RBFOX3: variants seen among roughly 807,000 people sequenced by gnomAD.
RBFOX3 encodes RNA binding protein fox-1 homolog 3.
A neutral mutation model predicts 48.7 loss-of-function variants in RBFOX3; 17 were observed. The observed-to-expected ratio is 0.35, with a 90% confidence interval of 0.24 to 0.52. The LOEUF (loss-of-function observed/expected upper bound fraction) is 0.52, where lower values mean the gene tolerates loss of function less well. Among genes scored for constraint, RBFOX3 ranks in the 20% least tolerant of loss-of-function variants. The pLI is 0.94. For missense variants in RBFOX3, 382 were observed against 497.5 expected (o/e 0.77, Z 2.21); for synonymous variants, 212 against 209.5 (o/e 1.01, Z -0.10).
At position 79,383,007 on chromosome 17, in the gene RBFOX3, AAATC is replaced by A. The variant is rs564584446; in HGVS notation, c.-174-75187_-174-75184del. 1.4e-4 allele frequency among the ~76,000 whole-genome samples: 20 copies of A among 145,702 alleles called. No homozygotes were observed. In the East Asian group the frequency reaches 3.8e-3, roughly 28 times the overall value. Reference sequence around the variant, plus strand: ...TCTGGGGCTGTGTGGGCACATTTCCAAATCAATCAATCTCTGCCTCTCAAACACA... The same window carrying A: ...TCTGGGGCTGTGTGGGCACATTTCCAAATCAATCTCTGCCTCTCAAACACA... On this transcript the variant is annotated intron_variant, in intron 2 of 14. Transcript: ENST00000693108.
chr17:79,365,941 A>C lies in RBFOX3; in HGVS notation c.-174-58117T>G, dbSNP rs78117969. Among the ~76,000 whole-genome samples the C allele has an allele frequency of 4.4e-3, 670 of 152,352 alleles. 3 individuals are homozygous for C. Among genetic ancestry groups the C allele is most frequent in the African/African-American group, 0.015 (612 of 41,582 alleles). ...TCTTGGATACCACACTCTTGCACCA[A>C]AGACGCCATCAGCGTCATGACCACG... On this transcript the variant is annotated intron_variant, in intron 2 of 14. Coordinates refer to ENST00000693108, the MANE Select transcript of RBFOX3 (RefSeq NM_001350451.2).
chr17:79,321,527 C>T (rs2078521747), intron 2 of RBFOX3, among the ~76,000 whole-genome samples: 1 of 152,102 alleles, frequency 6.6e-6, no homozygotes, highest in Admixed American at 6.5e-5. Context: ...AGAAAGTTCT[C>T]ATCCAAACGG....
chr17:79,419,547 T>C (rs2065907248), intron 2 of RBFOX3, among the ~76,000 whole-genome samples: 1 of 152,070 alleles, frequency 6.6e-6, no homozygotes, highest in Non-Finnish European at 1.5e-5. Context: ...CGCTCCGAGG[T>C]TCACAAACGC....
intron 4 of RBFOX3, chr17:79,132,761 G>C (rs2039268320): frequency 6.6e-6 from 1 of 152,246 alleles, no homozygotes; most frequent in South Asian, 2.1e-4. Context: ...CTGGAGGACA[G>C]GGAGGGGGTG....
In RBFOX3 at chr17:79,361,924, T is replaced by C. The variant is rs1259614988; in HGVS notation, c.-174-54100A>G. On this transcript the variant is annotated intron_variant, in intron 2 of 14. Coordinates refer to ENST00000693108, the MANE Select transcript of RBFOX3 (RefSeq NM_001350451.2). This position sits in a 1 kb window ranked among gnomAD's most constrained non-coding sequence, Gnocchi z 4.5. ...CTTCAATAAAAATGTTATAAAAATG[T>C]CTTATTTTGGTAGTTAATTGCCATT... 1.3e-5 allele frequency among the ~76,000 whole-genome samples: 2 copies of C among 152,220 alleles called. No homozygotes were observed. Among genetic ancestry groups the C allele is most frequent in the Admixed American group, 1.3e-4 (2 of 15,286 alleles).
chr17:79,301,344 T>G (rs960999195), intron 3 of RBFOX3, among the ~76,000 whole-genome samples: 3 of 152,202 alleles, frequency 2.0e-5, no homozygotes, highest in Non-Finnish European at 1.5e-5. Context: ...GAGCGGCTAA[T>G]AGAACACAAA....
chr17:79,433,674 CACCCAGCCCA>C (rs1362567161), intron 2 of RBFOX3, among the ~76,000 whole-genome samples: 5 of 151,158 alleles, frequency 3.3e-5, no homozygotes, highest in African/African-American at 9.8e-5. Context: ...GCAGCTGCAG[CACCCAGCCCA>C]GCCCAGCCCA....
In RBFOX3 at chr17:79,111,440, ATC is replaced by A. The variant is rs979700689; in HGVS notation, c.222+4052_222+4053del. On this transcript the variant is annotated intron_variant, in intron 5 of 14. Transcript: ENST00000693108. The surrounding 1 kb of genome is among the most constrained non-coding windows in gnomAD (Gnocchi z 4.2). ...TGGCATTTTTTTTATCTGCGTGCTA[ATC>A]TCTCTCTCTTTTTCTCAGAGTTTTG... Among the ~76,000 whole-genome samples, 5 of 151,804 alleles carry A rather than the reference ATC, an allele frequency of 3.3e-5. No homozygotes were observed. The highest frequency in any genetic ancestry group is 1.2e-4 in the African/African-American group (5 of 41,290).
intron 4 of RBFOX3, chr17:79,234,006 G>A (rs1406438190): frequency 1.3e-5 from 2 of 152,276 alleles, no homozygotes; most frequent in Non-Finnish European, 2.9e-5. Context: ...CATCTCAGGA[G>A]GCGGCTGTGA....
intron 1 of RBFOX3, among the ~76,000 whole-genome samples, chr17:79,578,048 TTCC>T (rs2092921441): frequency 6.6e-6 from 1 of 152,208 alleles, no homozygotes; most frequent in East Asian, 1.9e-4. Flanking sequence ...GTGTCCTCAC[TTCC>T]TCGGCCTGAG....
At chr17:79,231,697 A>G (rs1348668553) in intron 4 of RBFOX3, among the ~76,000 whole-genome samples, 2 of 152,236 alleles carry the variant, frequency 1.3e-5, no homozygotes, top group Non-Finnish European at 1.5e-5. Context: ...TTTAAGAAGC[A>G]TTAAAATATG....
intron 4 of RBFOX3, among the ~76,000 whole-genome samples, chr17:79,134,108 C>A (rs761879110): frequency 2.0e-5 from 3 of 152,230 alleles, no homozygotes; most frequent in Non-Finnish European, 2.9e-5. Context: ...TTGCACTCTG[C>A]ACCCAGCAGC....
At position 79,429,718 on chromosome 17, in the gene RBFOX3, G is replaced by A. The variant is rs562372358; in HGVS notation, c.-175+52736C>T. The stretch of plus-strand genomic sequence containing the variant: ...GCTCCATTTTACAGAAGACAAAACC[G>A]AGGCCATGGGAATCAATGACTCGTC... On this transcript the variant is annotated intron_variant, in intron 2 of 14. Transcript: ENST00000693108. Among the ~76,000 whole-genome samples the A allele has an allele frequency of 2.4e-3, 371 of 152,212 alleles. 2 individuals are homozygous for A. Among genetic ancestry groups the A allele is most frequent in the Non-Finnish European group, 4.2e-3 (289 of 68,006 alleles).
the RBFOX3 span, among the ~76,000 whole-genome samples, chr17:79,631,937 A>G: frequency 3.9e-5 from 6 of 152,210 alleles, no homozygotes; most frequent in Admixed American, 6.5e-5. Flanking sequence ...CTGCCCCCAG[A>G]GAATGAACAG....
chr17:79,633,515 C>T, the RBFOX3 span, among the ~76,000 whole-genome samples: 1 of 152,222 alleles, frequency 6.6e-6, no homozygotes, highest in Non-Finnish European at 1.5e-5. Context: ...GAGCCACCTC[C>T]TCACTGCCTG....
At position 79,486,422 on chromosome 17, in the gene RBFOX3, A is replaced by G. The variant is rs920736672; in HGVS notation, c.-319-3824T>C. Among the ~76,000 whole-genome samples the G allele has an allele frequency of 5.9e-5, 9 of 152,090 alleles. No homozygotes were observed. The East Asian group carries it at 1.6e-3, about 26-fold the overall frequency. On this transcript the variant is annotated intron_variant, in intron 1 of 14. Transcript: ENST00000693108. ...ACAGCAGAGCACACAGGGACACCCC[A>G]CTGTTGACCTTCAAGGGGAAAAGCC...
At chr17:79,314,232 A>G (rs775197015) in intron 2 of RBFOX3, among the ~76,000 whole-genome samples, 1 of 152,192 alleles carries the variant, frequency 6.6e-6, no homozygotes, top group Non-Finnish European at 1.5e-5. Context: ...ACAAAGTAGG[A>G]GCTGGGGTAA....
intron 1 of RBFOX3, among the ~76,000 whole-genome samples, chr17:79,574,402 G>A (rs1947033932): frequency 6.6e-6 from 1 of 152,136 alleles, no homozygotes; most frequent in Non-Finnish European, 1.5e-5. Flanking sequence ...AACCAAGATG[G>A]CGATCAAAGT....
At chr17:79,500,918 A>G (rs1414515387) in intron 1 of RBFOX3, among the ~76,000 whole-genome samples, 2 of 152,186 alleles carry the variant, frequency 1.3e-5, no homozygotes, top group Admixed American at 1.3e-4. Context: ...TTTTAATTCA[A>G]GGTAACCCAA....
Sources: allele counts gnomAD v4.1 joint callset (sites outside exome capture counted in the v4.1 genomes callset), GRCh38; gene constraint gnomAD v4.1.1; non-coding constraint Gnocchi (gnomAD v3.1); transcripts MANE v1.5; gene names NCBI Gene and HGNC (gene_info 2026-07-23, HGNC 2026-07-21).